Variants in FILIP1L observed in about 807,000 individuals in gnomAD.
The protein encoded by FILIP1L is filamin A interacting protein 1 like, also known as filamin A-interacting protein 1-like.
FILIP1L carries 55 observed loss-of-function variants against 96.6 expected under a neutral mutation model. The observed-to-expected ratio is 0.57, with a 90% CI of 0.46 to 0.71. The LOEUF (loss-of-function observed/expected upper bound fraction) is 0.71, where lower values mean the gene tolerates loss of function less well. FILIP1L is among the 30% of genes least tolerant of loss of function. The probability of loss-of-function intolerance (pLI) is 0.00; values close to 1 mark genes in which losing one functional copy is unlikely to be tolerated. For synonymous variants in FILIP1L, 467 were observed against 473.9 expected (o/e 0.99, Z 0.19); for missense variants, 1,304 against 1,321.2 (o/e 0.99, Z 0.20).
At chr3:99,930,276 T>C (rs1707435983) in intron 2 of FILIP1L, among the ~76,000 whole-genome samples, 1 of 152,238 alleles carries the variant, frequency 6.6e-6, no homozygotes, top group Non-Finnish European at 1.5e-5. Flanking sequence ...TTTATTATGT[T>C]TGACAAGCAG....
chr3:99,961,257 T>G (rs1314499746), intron 1 of FILIP1L, among the ~76,000 whole-genome samples: 1 of 152,182 alleles, frequency 6.6e-6, no homozygotes, highest in Non-Finnish European at 1.5e-5. Flanking sequence ...TTATCCCCTG[T>G]GTTGGAATGC....
At chr3:99,971,992 A>G (rs184607449) in intron 1 of FILIP1L, among the ~76,000 whole-genome samples, 14 of 152,244 alleles carry the variant, frequency 9.2e-5, no homozygotes, top group African/African-American at 3.4e-4. Context: ...GCACACTGAC[A>G]TGGAGTATAG....
intron 1 of FILIP1L, among the ~76,000 whole-genome samples, chr3:100,026,941 C>T (rs1466933505): frequency 6.6e-6 from 1 of 152,114 alleles, no homozygotes; most frequent in Non-Finnish European, 1.5e-5. Flanking sequence ...TCTCCGACCT[C>T]ATCTCTGCAG....
intron 1 of FILIP1L, among the ~76,000 whole-genome samples, chr3:100,112,388 C>T (rs1335535739): frequency 6.6e-6 from 1 of 152,154 alleles, no homozygotes; most frequent in Non-Finnish European, 1.5e-5. Context: ...GTTGCAATGG[C>T]AGTCTCCTAC....
In FILIP1L at chr3:99,924,287, TTA is replaced by T; in HGVS notation, c.546_547del (p.His182GlnfsTer8). The T allele has an allele frequency of 1.2e-6, 2 of 1,614,122 alleles. No homozygotes were observed. Among genetic ancestry groups the T allele is most frequent in the Non-Finnish European group, 1.7e-6 (2 of 1,179,996 alleles). On this transcript the variant is annotated frameshift_variant, in exon 4 of 6. Transcript: ENST00000477258. LOFTEE classifies it high-confidence loss of function. ...TTCATCACTCTTCTCCATGTATTCT[TTA>T]TGTTTTCTCTTTTCTTCCTCCAACT...
chr3:99,907,755 G>T (rs1706666639), intron 4 of FILIP1L, among the ~76,000 whole-genome samples: 1 of 151,760 alleles, frequency 6.6e-6, no homozygotes, highest in Non-Finnish European at 1.5e-5. Context: ...TTTTCTCCTT[G>T]TCTGAACTAT....
At chr3:100,031,151 A>G (rs1378933095) in intron 1 of FILIP1L, among the ~76,000 whole-genome samples, 1 of 152,124 alleles carries the variant, frequency 6.6e-6, no homozygotes, top group Non-Finnish European at 1.5e-5. Flanking sequence ...TTTTTAGACT[A>G]TGTACTTAAA....
At position 99,849,324 on chromosome 3, in the gene FILIP1L, ACTAGG is replaced by A; in HGVS notation, c.2347_2351del (p.Pro783SerfsTer14). The A allele has an allele frequency of 6.2e-7, 1 of 1,614,124 alleles. No homozygotes were observed. The highest frequency in any genetic ancestry group is 8.5e-7 in the Non-Finnish European group (1 of 1,180,000). On this transcript the variant is annotated frameshift_variant, in exon 5 of 6. Coordinates refer to ENST00000477258, the MANE Select transcript of FILIP1L (RefSeq NM_001387850.1). LOFTEE classifies it high-confidence loss of function. ...GATCGGAAATTCTTCTTCCATTGAG[ACTAGG>A]CCTGAGGCTCTTACTGAAATGCCGG... is the stretch of plus-strand genomic sequence containing the variant.
intron 1 of FILIP1L, among the ~76,000 whole-genome samples, chr3:100,100,122 A>G (rs2066279175): frequency 6.6e-6 from 1 of 152,138 alleles, no homozygotes; most frequent in Non-Finnish European, 1.5e-5. Flanking sequence ...GAGAATGGAA[A>G]GGAATGGCCT....
At position 99,981,609 on chromosome 3, in the gene FILIP1L, T is replaced by C. The variant is rs1709126917; in HGVS notation, c.-10-50579A>G. ...GTATTTAATGCAGATTTAATGTATG[T>C]ATGAATCCCCGTTTTGCAAGTGGAA... On this transcript the variant is annotated intron_variant, in intron 1 of 5. Transcript: ENST00000477258. 6.6e-5 allele frequency among the ~76,000 whole-genome samples: 10 copies of C among 152,222 alleles called. No homozygotes were observed. The South Asian group carries it at 2.1e-3, about 31-fold the overall frequency.
At chr3:99,924,811 G>A (rs1171472254) in intron 3 of FILIP1L, among the ~76,000 whole-genome samples, 3 of 152,166 alleles carry the variant, frequency 2.0e-5, no homozygotes, top group Non-Finnish European at 2.9e-5. Flanking sequence ...CATGAGCCAC[G>A]GCGCCCGGCC....
chr3:100,068,840 C>A (rs533343227), intron 1 of FILIP1L, among the ~76,000 whole-genome samples: 16 of 152,290 alleles, frequency 1.1e-4, no homozygotes, highest in Non-Finnish European at 2.2e-4. Context: ...GTTGGCCAGG[C>A]TGGTCTCAAA....
chr3:100,019,878 A>T (rs1272145440), intron 1 of FILIP1L, among the ~76,000 whole-genome samples: 1 of 152,172 alleles, frequency 6.6e-6, no homozygotes, highest in African/African-American at 2.4e-5. Flanking sequence ...AATTCCAGAA[A>T]GCTACAGTGA....
chr3:100,041,816 C>T (rs1559736700), intron 1 of FILIP1L, among the ~76,000 whole-genome samples: 1 of 152,066 alleles, frequency 6.6e-6, no homozygotes, highest in African/African-American at 2.4e-5. Flanking sequence ...CATGTTGTGC[C>T]TTGATTTATC....
Position 99,983,446 on chromosome 3 carries a change from G to GTA in FILIP1L, c.-10-52418_-10-52417dup, listed in dbSNP as rs1442427209. On this transcript the variant is annotated intron_variant, in intron 1 of 5. Transcript: ENST00000477258. ...TATGTATGTATGTATATATATGTAT[G>GTA]TATATATATATATGTGTGTATATAT... 6.2e-3 allele frequency among the ~76,000 whole-genome samples: 540 copies of GTA among 87,608 alleles called. 16 individuals carry two copies. The highest frequency in any genetic ancestry group is 0.015 in the Middle Eastern group (3 of 206). 57.5% of individuals were successfully genotyped at this position (87,608 alleles called of 152,430 possible).
intron 4 of FILIP1L, among the ~76,000 whole-genome samples, chr3:99,887,346 G>A (rs1186653946): frequency 2.0e-5 from 3 of 152,176 alleles, no homozygotes; most frequent in African/African-American, 2.4e-5. Context: ...ACCTTGAAGG[G>A]TGAGTAAGGC....
intron 1 of FILIP1L, among the ~76,000 whole-genome samples, chr3:100,093,859 A>C (rs1421919121): frequency 2.0e-5 from 3 of 152,216 alleles, no homozygotes; most frequent in Admixed American, 1.3e-4. Flanking sequence ...TTTTCTGAAG[A>C]GTTATCTAGG....
intron 1 of FILIP1L, among the ~76,000 whole-genome samples, chr3:99,955,261 G>A (rs1307561372): frequency 6.6e-6 from 1 of 152,176 alleles, no homozygotes; most frequent in Non-Finnish European, 1.5e-5. Flanking sequence ...ATGGAACAGA[G>A]CTATTAGCAA....
At chr3:99,952,302 G>C (rs751481669) in intron 1 of FILIP1L, among the ~76,000 whole-genome samples, 14 of 152,222 alleles carry the variant, frequency 9.2e-5, no homozygotes, top group Middle Eastern at 3.4e-3. Context: ...GCTTAAGCTA[G>C]ACATCTAAGG....
Sources: gnomAD v4.1 joint callset for allele counts (sites outside exome capture counted in the v4.1 genomes callset) on GRCh38, gnomAD v4.1.1 for gene constraint, MANE v1.5 for transcripts, NCBI Gene and HGNC (gene_info 2026-07-23, HGNC 2026-07-21) for gene names.